The following DCAF8L2 variants were observed in gnomAD, a reference collection of about 807,000 sequenced individuals.
DCAF8L2 encodes DDB1- and CUL4-associated factor 8-like protein 2.
For missense variants in DCAF8L2, 430 were observed against 490.7 expected (o/e 0.88, Z 1.17); for synonymous variants, 200 against 190.9 (o/e 1.05, Z -0.39).
At chrX:27,686,123 T>G (rs1171561905) in intron 3 of DCAF8L2, among the ~76,000 whole-genome samples, 2 of 111,322 alleles carry the variant, frequency 1.8e-5, no homozygotes, top group Non-Finnish European at 3.8e-5. Context: ...GAAACTTTAG[T>G]ACACTGCGGG....
chrX:27,503,628 C>A, the DCAF8L2 span, among the ~76,000 whole-genome samples: 4 of 109,785 alleles, frequency 3.6e-5, no homozygotes, highest in African/African-American at 1.3e-4. Flanking sequence ...CTTTTTTGTT[C>A]TCTGTTTTGT....
At position 27,704,181 on chromosome X, in the gene DCAF8L2, C is replaced by CACACACACACACATAT. The variant is rs200753295; in HGVS notation, c.-142-11898_-142-11897insCACATATACACACACA. On this transcript the variant is annotated intron_variant, in intron 3 of 4. Coordinates refer to ENST00000451261, the MANE Select transcript of DCAF8L2 (RefSeq NM_001353450.2). ...ATATATATATATATATATACATATACACACACACATATGTATATACACATG... is the reference window on the plus strand; with the variant it reads ...ATATATATATATATATATACATATACACACACACACACATATACACACACATATGTATATACACATG... Among the ~76,000 whole-genome samples, 639 of 89,385 alleles carry CACACACACACACATAT rather than the reference C, an allele frequency of 7.1e-3. 15 individuals are homozygous for CACACACACACACATAT. The highest frequency in any genetic ancestry group is 0.025 in the East Asian group (71 of 2,893). 77.6% of individuals were successfully genotyped at this position (89,385 alleles called of 115,157 possible). A position where few individuals can be genotyped will look rare whatever the true frequency, so the allele number is the denominator to read the frequency against.
the DCAF8L2 span, among the ~76,000 whole-genome samples, chrX:27,477,813 A>G: frequency 8.9e-6 from 1 of 111,960 alleles, no homozygotes; most frequent in African/African-American, 3.3e-5. Flanking sequence ...ATGAGAGGGG[A>G]CAGTCATTCA....
At chrX:27,619,870 A>G (rs1927672701) in intron 1 of DCAF8L2, among the ~76,000 whole-genome samples, 1 of 109,685 alleles carries the variant, frequency 9.1e-6, no homozygotes, top group Non-Finnish European at 1.9e-5. Context: ...TAGGTAAAGT[A>G]AAAAAAAGAC....
intron 2 of DCAF8L2, among the ~76,000 whole-genome samples, chrX:27,649,991 T>C (rs1164211426): frequency 9.0e-6 from 1 of 111,548 alleles, no homozygotes; most frequent in Non-Finnish European, 1.9e-5. Flanking sequence ...TGGCAAAAGG[T>C]AGGGGTCCAG....
the DCAF8L2 span, among the ~76,000 whole-genome samples, chrX:27,531,289 T>C: frequency 6.1e-3 from 675 of 111,160 alleles, 8 homozygotes; most frequent in African/African-American, 0.021. Flanking sequence ...GAACTCCCCT[T>C]TATAAAACCA....
intron 4 of DCAF8L2, among the ~76,000 whole-genome samples, chrX:27,739,096 A>C (rs1269586063): frequency 9.0e-6 from 1 of 110,686 alleles, no homozygotes; most frequent in Non-Finnish European, 1.9e-5. Context: ...TCGTGTGATA[A>C]ATCTGATTTA....
At chrX:27,502,333 AAAATATATATATAT>A in the DCAF8L2 span, among the ~76,000 whole-genome samples, 3 of 23,306 alleles carry the variant, frequency 1.3e-4, no homozygotes, top group East Asian at 2.8e-3. Context: ...AAAAAAAAAA[AAAATATATATATAT>A]ATATATATAT....
the DCAF8L2 span, among the ~76,000 whole-genome samples, chrX:27,530,354 C>A: frequency 0.063 from 6,991 of 110,222 alleles, 557 homozygotes; most frequent in African/African-American, 0.22. Flanking sequence ...ACTCCCCCCC[C>A]AAACCCCGCC....
chrX:27,586,079 G>A (rs1299969783), upstream of DCAF8L2, among the ~76,000 whole-genome samples: 1 of 110,855 alleles, frequency 9.0e-6, no homozygotes, highest in Non-Finnish European at 1.9e-5. Context: ...ACAGGCCTTT[G>A]CATGTGCTGT....
the DCAF8L2 span, among the ~76,000 whole-genome samples, chrX:27,557,728 A>G: frequency 7.5e-4 from 77 of 102,749 alleles, 1 homozygote; most frequent in East Asian, 0.016. Context: ...AAAAAGTTCT[A>G]TGTAGCTGAG....
intron 2 of DCAF8L2, among the ~76,000 whole-genome samples, chrX:27,670,886 G>A (rs1268702034): frequency 8.9e-6 from 1 of 111,733 alleles, no homozygotes; most frequent in African/African-American, 3.3e-5. Flanking sequence ...GCAGTCTTAG[G>A]CCTTCATCAG....
intron 4 of DCAF8L2, among the ~76,000 whole-genome samples, chrX:27,726,200 C>A (rs1437318861): frequency 5.4e-5 from 6 of 111,305 alleles, no homozygotes; most frequent in South Asian, 3.7e-4. Flanking sequence ...TGATTATTTT[C>A]CCCCCTCTCA....
At chrX:27,527,265 G>A in the DCAF8L2 span, among the ~76,000 whole-genome samples, 4 of 111,908 alleles carry the variant, frequency 3.6e-5, no homozygotes, top group Non-Finnish European at 5.6e-5. Flanking sequence ...CTTGCAGTTC[G>A]ATCTCAGACT....
At chrX:27,730,377 G>T (rs1921121268) in intron 4 of DCAF8L2, among the ~76,000 whole-genome samples, 1 of 111,936 alleles carries the variant, frequency 8.9e-6, no homozygotes, top group African/African-American at 3.2e-5. Context: ...ATGTTGTACA[G>T]CAGACCTCTA....
chrX:27,630,131 G>T (rs943773048), intron 1 of DCAF8L2, among the ~76,000 whole-genome samples: 2 of 111,440 alleles, frequency 1.8e-5, no homozygotes, highest in African/African-American at 6.5e-5. Context: ...GTAAAAAGCT[G>T]ATTTTTCTCT....
the DCAF8L2 span, among the ~76,000 whole-genome samples, chrX:27,497,653 C>T: frequency 9.1e-6 from 1 of 109,655 alleles, no homozygotes; most frequent in Non-Finnish European, 1.9e-5. Context: ...ACTGCAACCT[C>T]TGCCTCCTGG....
At chrX:27,555,605 T>G in the DCAF8L2 span, among the ~76,000 whole-genome samples, 17 of 112,250 alleles carry the variant, frequency 1.5e-4, no homozygotes, top group Non-Finnish European at 2.1e-4. Flanking sequence ...AGTTCCAGAT[T>G]TATCCTTTAA....
chrX:27,718,776 G>A (rs187773703), intron 4 of DCAF8L2, among the ~76,000 whole-genome samples: 1 of 111,493 alleles, frequency 9.0e-6, no homozygotes, highest in East Asian at 2.8e-4. Flanking sequence ...AAGCCTGCTG[G>A]CTTTCCAAAT....
Sources: allele counts gnomAD v4.1 joint callset (sites outside exome capture counted in the v4.1 genomes callset), GRCh38; gene constraint gnomAD v4.1.1; transcripts MANE v1.5; gene names NCBI Gene and HGNC (gene_info 2026-07-23, HGNC 2026-07-21).